Variants in DPP10 observed in about 807,000 individuals in gnomAD.
The protein encoded by DPP10 is dipeptidyl peptidase like 10.
Under a neutral mutation model 120.9 loss-of-function variants are expected in DPP10, and 33 were observed. The ratio of observed to expected loss-of-function variants is 0.27; its 90% CI spans 0.21 to 0.37. The LOEUF is 0.37. DPP10 is among the 10% of genes least tolerant of loss of function. DPP10 has a pLI of 1.00. For synonymous variants in DPP10, 337 were observed against 326.1 expected, an observed-to-expected ratio of 1.03 and a Z score of -0.36; for missense variants, 816 against 942.8, an observed-to-expected ratio of 0.87 and a Z score of 1.76.
intron 1 of DPP10, among the ~76,000 whole-genome samples, chr2:114,446,368 C>T (rs937073732): frequency 2.0e-5 from 3 of 152,102 alleles, no homozygotes; most frequent in African/African-American, 7.2e-5. Flanking sequence ...AGAGAAAATC[C>T]TTCATCCTTT....
intron 1 of DPP10, among the ~76,000 whole-genome samples, chr2:114,480,876 AC>A (rs1361817821): frequency 6.7e-6 from 1 of 150,316 alleles, no homozygotes; most frequent in African/African-American, 2.5e-5. Context: ...TAAAAAGTAC[AC>A]CCCCCAAAAA....
chr2:115,526,002 T>C (rs770685991), intron 5 of DPP10, 30 bp downstream of exon 5: 1 of 1,566,912 alleles, frequency 6.4e-7, no homozygotes, highest in South Asian at 1.2e-5. Flanking sequence ...TGAGAATACT[T>C]TTCTTTGTGA....
At chr2:115,419,111 T>G (rs2069702575) in intron 3 of DPP10, among the ~76,000 whole-genome samples, 1 of 152,202 alleles carries the variant, frequency 6.6e-6, no homozygotes, top group Admixed American at 6.6e-5. Context: ...CTGGATGCCA[T>G]AACCTAGCTA....
chr2:115,110,036 T>C (rs940727605), intron 1 of DPP10, among the ~76,000 whole-genome samples: 1 of 152,206 alleles, frequency 6.6e-6, no homozygotes, highest in African/African-American at 2.4e-5. Flanking sequence ...AAATAAAATA[T>C]ATCAAAGAAC....
intron 11 of DPP10, among the ~76,000 whole-genome samples, chr2:115,756,225 T>C (rs1220291577): frequency 6.6e-6 from 1 of 152,120 alleles, no homozygotes; most frequent in Non-Finnish European, 1.5e-5. Context: ...AACAGATACA[T>C]TACAGCTAGA....
At chr2:115,005,405 G>A (rs1168552998) in intron 1 of DPP10, among the ~76,000 whole-genome samples, 11 of 151,844 alleles carry the variant, frequency 7.2e-5, no homozygotes, top group East Asian at 3.9e-4. Flanking sequence ...GGCTTCAGAC[G>A]ATCAAATTAC....
rs79223539 is a variant in DPP10 at position 114,801,978 on chromosome 2, C to T, written c.60+359140C>T. ...TGTGCGAACAGAGAACATGTGGAAA[C>T]GTCTCTAGGTGTCTGCAGTTCACTC... On this transcript the variant is annotated intron_variant, in intron 1 of 25. Coordinates refer to ENST00000410059, the MANE Select transcript of DPP10 (RefSeq NM_020868.6). Among the ~76,000 whole-genome samples the T allele has an allele frequency of 4.6e-5, 7 of 152,218 alleles. No individual in the cohort carries two copies. In the South Asian group the frequency reaches 1.0e-3, roughly 23 times the overall value.
chr2:115,469,339 C>A (rs1050606001), intron 3 of DPP10, among the ~76,000 whole-genome samples: 1 of 152,046 alleles, frequency 6.6e-6, no homozygotes, highest in Non-Finnish European at 1.5e-5. Flanking sequence ...TTTCACATTG[C>A]TGATTAAATT....
At chr2:115,411,880 T>C (rs1574759176) in intron 3 of DPP10, among the ~76,000 whole-genome samples, 1 of 152,316 alleles carries the variant, frequency 6.6e-6, no homozygotes, top group Middle Eastern at 3.4e-3. Context: ...ATGGTTTTGG[T>C]TCTCATGTTC....
At chr2:115,053,740 G>C (rs1705686953) in intron 1 of DPP10, among the ~76,000 whole-genome samples, 1 of 152,112 alleles carries the variant, frequency 6.6e-6, no homozygotes, top group South Asian at 2.1e-4. Context: ...AGGTTTGTTT[G>C]ATGAAAACAC....
At chr2:115,023,096 A>T (rs1417805482) in intron 1 of DPP10, among the ~76,000 whole-genome samples, 5 of 152,192 alleles carry the variant, frequency 3.3e-5, no homozygotes, top group Admixed American at 3.3e-4. Context: ...TTAGACAAAG[A>T]CTTCATGACC....
intron 1 of DPP10, among the ~76,000 whole-genome samples, chr2:114,470,133 T>C (rs1157637193): frequency 6.6e-6 from 1 of 152,206 alleles, no homozygotes; most frequent in Non-Finnish European, 1.5e-5. Flanking sequence ...ACTAAATTGC[T>C]CTTCCACCAA....
intron 1 of DPP10, among the ~76,000 whole-genome samples, chr2:114,805,147 C>T (rs1684614565): frequency 6.6e-6 from 1 of 152,164 alleles, no homozygotes; most frequent in South Asian, 2.1e-4. Context: ...GTGCCTTTCA[C>T]CTCCTGCCAT....
chr2:115,478,729 T>C (rs1446699041), intron 3 of DPP10, among the ~76,000 whole-genome samples: 8 of 152,032 alleles, frequency 5.3e-5, no homozygotes, highest in African/African-American at 1.9e-4. Context: ...AACAGCATAA[T>C]TGATAGACAA....
intron 13 of DPP10, among the ~76,000 whole-genome samples, chr2:115,768,737 A>G (rs1681098377): frequency 6.6e-6 from 1 of 152,158 alleles, no homozygotes; most frequent in Non-Finnish European, 1.5e-5. Flanking sequence ...ATGAACATAT[A>G]TATAACCTAT....
intron 1 of DPP10, among the ~76,000 whole-genome samples, chr2:115,295,829 T>G (rs1326723213): frequency 6.6e-6 from 1 of 152,078 alleles, no homozygotes; most frequent in Non-Finnish European, 1.5e-5. Context: ...TCAAGGAATC[T>G]TTAAACTTAA....
At chr2:115,804,912 C>G in intron 19 of DPP10, among the ~76,000 whole-genome samples, 1 of 152,210 alleles carries the variant, frequency 6.6e-6, no homozygotes, top group East Asian at 1.9e-4. Context: ...TGCCTGTTCT[C>G]AGATCTCAAG....
At chr2:114,917,001 T>C (rs1558876867) in intron 1 of DPP10, among the ~76,000 whole-genome samples, 1 of 152,142 alleles carries the variant, frequency 6.6e-6, no homozygotes, top group Admixed American at 6.5e-5. Context: ...GTAAAAGTCA[T>C]CCGAATAGGA....
At chr2:115,695,157 A>C (rs1309155828) in intron 7 of DPP10, among the ~76,000 whole-genome samples, 1 of 152,184 alleles carries the variant, frequency 6.6e-6, no homozygotes, top group Non-Finnish European at 1.5e-5. Context: ...AATGTATGGG[A>C]GAAATTAGCA....
Sources: allele counts gnomAD v4.1 joint callset (sites outside exome capture counted in the v4.1 genomes callset), GRCh38; gene constraint gnomAD v4.1.1; transcripts MANE v1.5; gene names NCBI Gene and HGNC (gene_info 2026-07-23, HGNC 2026-07-21).